Variants in RNF115 observed in about 807,000 individuals in gnomAD.
RNF115 encodes the protein ring finger protein 115, also known as E3 ubiquitin-protein ligase RNF115.
RNF115 carries 31 observed loss-of-function variants against 39.2 expected under a neutral mutation model. The ratio of observed to expected loss-of-function variants is 0.79; its 90% CI spans 0.59 to 1.07. RNF115 has a LOEUF of 1.07. Ranked by LOEUF, RNF115 falls within the 50% of genes least tolerant of loss-of-function variation. The pLI is 0.00. For missense variants in RNF115, 384 were observed against 381.7 expected, an observed-to-expected ratio of 1.01 and a Z score of -0.05; for synonymous variants, 124 against 131.0, an observed-to-expected ratio of 0.95 and a Z score of 0.37.
chr1:145,802,104 C>A (rs1488972513), intron 1 of RNF115, among the ~76,000 whole-genome samples: 4 of 152,114 alleles, frequency 2.6e-5, no homozygotes, highest in African/African-American at 9.7e-5. Flanking sequence ...TTTCTATCAT[C>A]CCATCTGTAA....
At position 145,749,065 on chromosome 1, in the gene RNF115, G is replaced by A. The variant is rs371096367; in HGVS notation, c.668-955C>T. The stretch of plus-strand genomic sequence containing the variant: ...AGAAGAAACAGTCATGAACTATACT[G>A]GGAGCTCCAAGCAGCAAGTTTTGAG... On this transcript the variant is annotated intron_variant, in intron 7 of 8. Coordinates refer to ENST00000582693, the MANE Select transcript of RNF115 (RefSeq NM_014455.4). Among the ~76,000 whole-genome samples, 238 of 152,194 alleles carry A rather than the reference G, an allele frequency of 1.6e-3. 1 individual carries two copies. The highest frequency in any genetic ancestry group is 6.9e-3 in the South Asian group (33 of 4,814).
chr1:145,750,303 G>T (rs1227809218), intron 7 of RNF115, 104 bp downstream of exon 7: 20 of 884,042 alleles, frequency 2.3e-5, no homozygotes, highest in Admixed American at 5.4e-5. Context: ...TTATTTTTTT[G>T]TCTTTTTATT....
chr1:145,805,927 TGAC>T (rs1371051562), intron 1 of RNF115, among the ~76,000 whole-genome samples: 1 of 152,286 alleles, frequency 6.6e-6, no homozygotes, highest in Non-Finnish European at 1.5e-5. Context: ...TAAAAAGGGC[TGAC>T]AACAGTTGCA....
chr1:145,815,185 T>C (rs1649931271), intron 1 of RNF115, among the ~76,000 whole-genome samples: 1 of 152,428 alleles, frequency 6.6e-6, no homozygotes, highest in Admixed American at 6.5e-5. Context: ...ATGAATGCCT[T>C]CTCTAGCACC....
chr1:145,793,860 T>C (rs80204351), intron 1 of RNF115, among the ~76,000 whole-genome samples: 1 of 151,122 alleles, frequency 6.6e-6, no homozygotes, highest in Non-Finnish European at 1.5e-5. Context: ...TTTTTTTTTT[T>C]TGAGACGAAG....
chr1:145,750,340 G>T, intron 7 of RNF115, 67 bp downstream of exon 7: 1 of 1,277,972 alleles, frequency 7.8e-7, no homozygotes, highest in Admixed American at 1.9e-5. Context: ...CTTTTCACCT[G>T]TCAGAAGATA....
chr1:145,774,847 A>G (rs1052282959), intron 3 of RNF115, among the ~76,000 whole-genome samples: 3 of 152,180 alleles, frequency 2.0e-5, no homozygotes, highest in South Asian at 2.1e-4. Flanking sequence ...TTAAAATTCT[A>G]TATTTTAATA....
intron 4 of RNF115, among the ~76,000 whole-genome samples, chr1:145,755,911 A>T (rs1440074830): frequency 2.6e-5 from 4 of 152,202 alleles, no homozygotes; most frequent in African/African-American, 9.7e-5. Context: ...TTGATAATCT[A>T]GCTAAAGTGA....
Position 145,741,778 on chromosome 1 carries a change from A to C in RNF115, c.*5088T>G, listed in dbSNP as rs1657699553. The C allele has an allele frequency of 6.6e-6, 1 of 152,164 alleles. No individual in the cohort carries two copies. The highest frequency in any genetic ancestry group is 2.4e-5 in the African/African-American group (1 of 41,404). The allele number at this position is 152,164 out of a possible 1,614,324, so 9.4% of individuals were successfully genotyped here. ...AAAAGGGTTTTCCCCTAACATCCAAATACCTATTCAGATACCAGCCCTGCT... is the reference window on the plus strand; with the variant it reads ...AAAAGGGTTTTCCCCTAACATCCAACTACCTATTCAGATACCAGCCCTGCT... On this transcript the variant is annotated 3_prime_UTR_variant, in exon 9 of 9. Transcript: ENST00000582693.
intron 4 of RNF115, among the ~76,000 whole-genome samples, chr1:145,754,428 A>G (rs1553712907): frequency 6.6e-6 from 1 of 151,904 alleles, no homozygotes; most frequent in Non-Finnish European, 1.5e-5. Flanking sequence ...ATCTCAGCTC[A>G]CTGCAACCTC....
chr1:145,752,583 C>CCCCTTTT (rs1571707739), intron 5 of RNF115, among the ~76,000 whole-genome samples: 1 of 60,444 alleles, frequency 1.7e-5, no homozygotes, highest in African/African-American at 1.3e-4. Flanking sequence ...ACCTATGCAG[C>CCCCTTTT]TCTTTTTTTT....
At chr1:145,751,650 T>C in intron 5 of RNF115, 140 bp from the exon 6 acceptor site, 1 of 535,508 alleles carries the variant, frequency 1.9e-6, no homozygotes, top group Non-Finnish European at 3.4e-6. Context: ...AGGCAAAGAA[T>C]TCTGTACATT....
intron 4 of RNF115, among the ~76,000 whole-genome samples, chr1:145,762,812 A>G (rs1248802985): frequency 1.3e-5 from 2 of 152,230 alleles, no homozygotes; most frequent in African/African-American, 4.8e-5. Context: ...ATCTTAAAAC[A>G]TATTCTTTAC....
Position 145,739,568 on chromosome 1 carries a change from T to A in RNF115, c.*7298A>T, listed in dbSNP as rs1657628996. The A allele has an allele frequency of 6.7e-6, 1 of 148,776 alleles. No individual in the cohort carries two copies. The highest frequency in any genetic ancestry group is 1.5e-5 in the Non-Finnish European group (1 of 68,500). The allele number at this position is 148,776 out of a possible 1,614,324, so 9.2% of individuals were successfully genotyped here. Reference sequence around the variant, plus strand: ...CTGCAACATACCAGCTATTTGTCATTGGGCAAATGAATTTTTTTTTTTTTT... The same window carrying A: ...CTGCAACATACCAGCTATTTGTCATAGGGCAAATGAATTTTTTTTTTTTTT... On this transcript the variant is annotated 3_prime_UTR_variant, in exon 9 of 9. Coordinates refer to ENST00000582693, the MANE Select transcript of RNF115 (RefSeq NM_014455.4).
chr1:145,747,805 G>T (rs1458105386), intron 8 of RNF115, among the ~76,000 whole-genome samples, 190 bp downstream of exon 8: 4 of 152,140 alleles, frequency 2.6e-5, no homozygotes, highest in Admixed American at 2.0e-4. Flanking sequence ...ACAATAACAG[G>T]TGGCAGGACA....
At chr1:145,822,632 A>C (rs1487064611) in intron 1 of RNF115, among the ~76,000 whole-genome samples, 3 of 150,934 alleles carry the variant, frequency 2.0e-5, no homozygotes, top group Non-Finnish European at 4.4e-5. Context: ...GGAAAGGAAC[A>C]ACCATAAAGA....
At chr1:145,753,149 A>C in intron 4 of RNF115, 100 bp from the exon 5 acceptor site, 6 of 736,754 alleles carry the variant, frequency 8.1e-6, no homozygotes, top group East Asian at 2.6e-5. Flanking sequence ...CTAAACCAAA[A>C]TGGCTTTTCA....
Position 145,765,322 on chromosome 1 carries a change from C to T in RNF115, c.428+6389G>A, listed in dbSNP as rs587733106. 3.9e-5 allele frequency among the ~76,000 whole-genome samples: 6 copies of T among 152,138 alleles called. No individual in the cohort carries two copies. In the East Asian group the frequency reaches 1.2e-3, roughly 29 times the overall value. ...CCCTCTGCCTAGGAAAACCAGAGAC[C>T]TTTGTTCACTTGCTTATCTGCTGAC... On this transcript the variant is annotated intron_variant, in intron 4 of 8. Transcript: ENST00000582693.
At chr1:145,799,567 A>G (rs919051018) in intron 1 of RNF115, among the ~76,000 whole-genome samples, 1 of 131,096 alleles carries the variant, frequency 7.6e-6, no homozygotes, top group Admixed American at 8.8e-5. Flanking sequence ...GTCTTTCACC[A>G]CTGAATGAGA....
Sources: allele counts gnomAD v4.1 joint callset (sites outside exome capture counted in the v4.1 genomes callset), GRCh38; gene constraint gnomAD v4.1.1; transcripts MANE v1.5; gene names NCBI Gene and HGNC (gene_info 2026-07-23, HGNC 2026-07-21).